Variants in VSTM4 observed in about 807,000 individuals in gnomAD.
VSTM4 encodes the protein V-set and transmembrane domain-containing protein 4.
In VSTM4, 20 loss-of-function variants were observed where a neutral mutation model predicts 36.4. That is an observed-to-expected ratio of 0.55 (90% confidence interval 0.39 to 0.80). VSTM4 has a LOEUF of 0.80. VSTM4 is among the 30% of genes least tolerant of loss of function. VSTM4 has a pLI of 0.00. For missense variants in VSTM4, 392 were observed against 404.5 expected (o/e 0.97, Z 0.26); for synonymous variants, 182 against 173.9 (o/e 1.05, Z -0.37).
At chr10:49,047,159 T>C (rs1363089112) in intron 6 of VSTM4, 115 bp from the exon 7 acceptor site, 4 of 1,057,066 alleles carry the variant, frequency 3.8e-6, no homozygotes, top group Admixed American at 3.9e-5. Flanking sequence ...CCTGGTCCCA[T>C]GGAAGAACTT....
rs1309895450 is a variant in VSTM4, at chr10:49,020,192, G to T, written c.838-417C>A. Among the ~76,000 whole-genome samples, 4 of 152,278 alleles carry T rather than the reference G, an allele frequency of 2.6e-5. No homozygotes were observed. The East Asian group carries it at 7.7e-4, about 29-fold the overall frequency. On this transcript the variant is annotated intron_variant, in intron 7 of 7. Transcript: ENST00000332853. The stretch of plus-strand genomic sequence containing the variant: ...AGAACGCCACCACTTAGAAATTTTT[G>T]TAAATGACTTAGTATAAAACTATAA...
At chr10:49,078,233 A>G (rs971763294) in intron 3 of VSTM4, among the ~76,000 whole-genome samples, 4 of 152,212 alleles carry the variant, frequency 2.6e-5, no homozygotes, top group African/African-American at 7.2e-5. Context: ...AGGCTCAGCC[A>G]CTCTAGAATA....
At chr10:49,109,040 C>A (rs1293699082) in intron 1 of VSTM4, among the ~76,000 whole-genome samples, 2 of 152,302 alleles carry the variant, frequency 1.3e-5, no homozygotes, top group East Asian at 3.9e-4. Context: ...CCTCTTTCTG[C>A]CAAGTCAGGG....
chr10:49,088,733 TG>T (rs747159380), intron 2 of VSTM4, among the ~76,000 whole-genome samples: 1 of 152,258 alleles, frequency 6.6e-6, no homozygotes, highest in African/African-American at 2.4e-5. Context: ...ACTTCTCTCC[TG>T]AAAAAGCTTG....
At chr10:49,087,797 T>C (rs1330193228) in intron 2 of VSTM4, among the ~76,000 whole-genome samples, 11 of 151,858 alleles carry the variant, frequency 7.2e-5, no homozygotes, top group African/African-American at 2.7e-4. Context: ...TCTCCAGCAA[T>C]TGGGCTCACT....
intron 2 of VSTM4, chr10:49,103,836 C>G (rs1564596378): frequency 1.2e-6 from 2 of 1,614,082 alleles, no homozygotes; most frequent in South Asian, 1.1e-5. Flanking sequence ...AAAAGCTCCC[C>G]TCTCCACTGG....
chr10:49,052,136 G>A (rs1454966175), intron 5 of VSTM4, among the ~76,000 whole-genome samples: 1 of 152,052 alleles, frequency 6.6e-6, no homozygotes, highest in East Asian at 1.9e-4. Context: ...TCTAAAGCTG[G>A]AATTACCAGG....
At chr10:49,064,642 T>C in intron 5 of VSTM4, 61 bp downstream of exon 5, 1 of 1,544,346 alleles carries the variant, frequency 6.5e-7, no homozygotes, top group South Asian at 1.2e-5. Flanking sequence ...TTATTGGTAA[T>C]ATCAAAAGAA....
In VSTM4 at chr10:49,109,198, G is replaced by T. The variant is rs1411481379; in HGVS notation, c.56-1203C>A. 2.0e-5 allele frequency among the ~76,000 whole-genome samples: 3 copies of T among 152,288 alleles called. No homozygotes were observed. The East Asian group carries it at 5.8e-4, about 29-fold the overall frequency. On this transcript the variant is annotated intron_variant, in intron 1 of 7. Transcript: ENST00000332853. ...TTCAGTCCCAAAATGCCACCATCTGGTAACAGAAGAGGGCTTGGGCCCCAG... is the reference window on the plus strand; with the variant it reads ...TTCAGTCCCAAAATGCCACCATCTGTTAACAGAAGAGGGCTTGGGCCCCAG...
At chr10:49,040,275 C>T (rs893725568) in intron 7 of VSTM4, among the ~76,000 whole-genome samples, 22 of 152,128 alleles carry the variant, frequency 1.4e-4, no homozygotes, top group African/African-American at 5.3e-4. Context: ...GTCTAAAATG[C>T]TTTTCTCACT....
intron 2 of VSTM4, among the ~76,000 whole-genome samples, chr10:49,098,393 T>A (rs1320426624): frequency 2.6e-5 from 4 of 152,220 alleles, no homozygotes; most frequent in Non-Finnish European, 5.9e-5. Context: ...CAAAGCTCTC[T>A]CCATCATTCA....
chr10:49,069,941 G>A (rs963716784), intron 4 of VSTM4, among the ~76,000 whole-genome samples: 4 of 152,158 alleles, frequency 2.6e-5, no homozygotes, highest in African/African-American at 9.7e-5. Context: ...AGATGATAAA[G>A]CCACACCTTA....
intron 2 of VSTM4, among the ~76,000 whole-genome samples, chr10:49,105,947 T>C (rs1306009589): frequency 6.6e-6 from 1 of 152,156 alleles, no homozygotes; most frequent in Admixed American, 6.5e-5. Context: ...AGTGGGTTCT[T>C]GGCCCAGCCC....
chr10:49,079,717 C>A (rs991528654), intron 3 of VSTM4, among the ~76,000 whole-genome samples: 4 of 152,092 alleles, frequency 2.6e-5, no homozygotes, highest in Non-Finnish European at 4.4e-5. Flanking sequence ...AGACACCCAG[C>A]CCAGCCTGGG....
chr10:49,096,315 G>A (rs770045746), intron 2 of VSTM4, among the ~76,000 whole-genome samples: 3 of 152,140 alleles, frequency 2.0e-5, no homozygotes, highest in Non-Finnish European at 4.4e-5. Context: ...TTTCATCTTT[G>A]CCCCCACATA....
chr10:49,059,964 A>G (rs373310493), intron 5 of VSTM4, among the ~76,000 whole-genome samples: 1 of 152,168 alleles, frequency 6.6e-6, no homozygotes, highest in Non-Finnish European at 1.5e-5. Context: ...GAATCATATG[A>G]TATGTAATTT....
chr10:49,072,270 T>C (rs1023826901), intron 4 of VSTM4, among the ~76,000 whole-genome samples: 1 of 152,166 alleles, frequency 6.6e-6, no homozygotes, highest in African/African-American at 2.4e-5. Context: ...GACTTTAGAA[T>C]CACTGTCAGC....
Position 49,048,571 on chromosome 10 carries a change from C to A in VSTM4, c.682G>T (p.Val228Phe), listed in dbSNP as rs775940362. ...GGGGCCAAGCTGGTCACGCTAGTGA[C>A]AGTCTCCCCTGAGCTGTAGAAGAAA... Reference protein sequence around the residue: ...KCPQNSSGETVTSVTSLAPLQ... With the variant: ...KCPQNSSGETFTSVTSLAPLQ... The change falls in exon 6 of 8, where the codon GTC becomes TTC. Residue 228 changes from valine (V) to phenylalanine (F), a missense_variant. Val to Phe is a conservative substitution (Grantham distance 50). Coordinates refer to ENST00000332853, the MANE Select transcript of VSTM4 (RefSeq NM_001031746.5). The A allele has an allele frequency of 3.1e-6, 5 of 1,589,652 alleles. 1 individual carries two copies. In the South Asian group the frequency reaches 4.7e-5, roughly 15 times the overall value.
At position 49,077,119 on chromosome 10, in the gene VSTM4, A is replaced by G. The variant is rs1481618794; in HGVS notation, c.634+100T>C. On this transcript the variant is annotated intron_variant, in intron 4 of 7. Coordinates refer to ENST00000332853, the MANE Select transcript of VSTM4 (RefSeq NM_001031746.5). ...ACAGGTAAATAATCCCTGACTCACA[A>G]TGCACTTTTCCACCAAGGTGGTACT... 12 of 1,196,346 alleles carry G rather than the reference A, an allele frequency of 1.0e-5. 1 individual carries two copies. In the South Asian group the frequency reaches 1.5e-4, roughly 15 times the overall value. 74.1% of individuals were successfully genotyped at this position (1,196,346 alleles called of 1,614,324 possible). A position where few individuals can be genotyped will look rare whatever the true frequency, so the allele number is the denominator to read the frequency against.
Sources: allele counts gnomAD v4.1 joint callset (sites outside exome capture counted in the v4.1 genomes callset), GRCh38; gene constraint gnomAD v4.1.1; transcripts MANE v1.5; gene names NCBI Gene and HGNC (gene_info 2026-07-23, HGNC 2026-07-21).